The following MARCO variants were observed in gnomAD, a reference collection of about 807,000 sequenced individuals.
MARCO encodes the protein macrophage receptor with collagenous structure.
In MARCO, 72 loss-of-function variants were observed where a neutral mutation model predicts 70.0. That is an observed-to-expected ratio of 1.03 (90% confidence interval 0.85 to 1.25). MARCO has a LOEUF of 1.25. Among genes scored for constraint, MARCO ranks in the 50% most tolerant of loss-of-function variants. MARCO has a pLI of 0.00. For missense variants in MARCO, 696 were observed against 659.3 expected, an observed-to-expected ratio of 1.06 and a Z score of -0.61; for synonymous variants, 273 against 243.1, an observed-to-expected ratio of 1.12 and a Z score of -1.14.
chr2:118,951,038 C>T (rs1015853950), intron 1 of MARCO, among the ~76,000 whole-genome samples: 1 of 152,198 alleles, frequency 6.6e-6, no homozygotes, highest in Non-Finnish European at 1.5e-5. Context: ...TAGATGACTC[C>T]TTCCTGAATC....
intron 12 of MARCO, among the ~76,000 whole-genome samples, chr2:118,987,588 CAAGG>C (rs148915589): frequency 0.018 from 2,708 of 152,268 alleles, 106 homozygotes; most frequent in South Asian, 0.12. Context: ...CCTAAAGAGA[CAAGG>C]AAGGCTGCTC....
At chr2:118,971,454 G>C in intron 3 of MARCO, 45 bp from the exon 4 acceptor site, 1 of 1,607,662 alleles carries the variant, frequency 6.2e-7, no homozygotes, top group Non-Finnish European at 8.5e-7. Flanking sequence ...CTTGGGCCAA[G>C]GGTACCCCAC....
At chr2:118,944,099 C>T (rs1679552377) in intron 1 of MARCO, among the ~76,000 whole-genome samples, 1 of 152,078 alleles carries the variant, frequency 6.6e-6, no homozygotes, top group Admixed American at 6.6e-5. Flanking sequence ...TAATAGTGAA[C>T]CCTAGATTTC....
At chr2:118,944,065 G>A (rs1381558579) in intron 1 of MARCO, among the ~76,000 whole-genome samples, 1 of 152,130 alleles carries the variant, frequency 6.6e-6, no homozygotes, top group Admixed American at 6.5e-5. Context: ...GGCAGGACAG[G>A]GCTGGGGAGG....
chr2:118,989,106 T>C (rs1680573935), intron 12 of MARCO, among the ~76,000 whole-genome samples: 1 of 152,214 alleles, frequency 6.6e-6, no homozygotes, highest in Non-Finnish European at 1.5e-5. Flanking sequence ...CTTTACTGCC[T>C]TGGGAGAAAG....
Sources: gnomAD v4.1 joint callset for allele counts (sites outside exome capture counted in the v4.1 genomes callset) on GRCh38, gnomAD v4.1.1 for gene constraint, MANE v1.5 for transcripts, NCBI Gene and HGNC (gene_info 2026-07-23, HGNC 2026-07-21) for gene names.